The following GLIS3 variants were observed in gnomAD, a reference collection of about 807,000 sequenced individuals.
GLIS3 encodes the protein zinc finger protein GLIS3.
GLIS3 carries 53 observed loss-of-function variants against 78.6 expected under a neutral mutation model. The observed-to-expected ratio is 0.67, with a 90% CI of 0.54 to 0.85. GLIS3 has a LOEUF of 0.85. Among genes scored for constraint, GLIS3 ranks in the 40% least tolerant of loss-of-function variants. The pLI is 0.00. For missense variants in GLIS3, 1,703 were observed against 1,231.1 expected (o/e 1.38, Z -5.74); for synonymous variants, 684 against 509.9 (o/e 1.34, Z -4.60).
At chr9:4,280,793 G>C (rs1202571939) in intron 2 of GLIS3, among the ~76,000 whole-genome samples, 1 of 151,828 alleles carries the variant, frequency 6.6e-6, no homozygotes, top group Non-Finnish European at 1.5e-5. Flanking sequence ...GCTGGAATGA[G>C]GCAAATGTTG....
chr9:3,891,503 G>A (rs940095520), intron 7 of GLIS3, among the ~76,000 whole-genome samples: 5 of 152,050 alleles, frequency 3.3e-5, no homozygotes, highest in East Asian at 1.9e-4. Context: ...GGAGTTTGAC[G>A]TAAGCCTGGG....
chr9:4,391,210 C>T, the GLIS3 span, among the ~76,000 whole-genome samples: 11 of 152,184 alleles, frequency 7.2e-5, no homozygotes, highest in African/African-American at 2.4e-4. Context: ...TAGATGCACT[C>T]ATCTCTGGTG....
chr9:4,456,813 C>G, the GLIS3 span, among the ~76,000 whole-genome samples: 2 of 152,144 alleles, frequency 1.3e-5, no homozygotes, highest in African/African-American at 2.4e-5. Context: ...GTTGAGCAGT[C>G]AGAACATACA....
At chr9:4,472,151 G>T in the GLIS3 span, among the ~76,000 whole-genome samples, 52,463 of 152,046 alleles carry the variant, frequency 0.35, 10,018 homozygotes, top group Middle Eastern at 0.49. Context: ...GCTTTTACAC[G>T]GTTGGTGGGA....
chr9:4,068,881 G>A (rs1827338808), intron 4 of GLIS3, among the ~76,000 whole-genome samples: 1 of 150,920 alleles, frequency 6.6e-6, no homozygotes, highest in Non-Finnish European at 1.5e-5. Context: ...TCAATTTCTT[G>A]CAATGCACAC....
At chr9:4,365,805 C>G in the GLIS3 span, among the ~76,000 whole-genome samples, 15 of 152,312 alleles carry the variant, frequency 9.8e-5, no homozygotes, top group African/African-American at 3.1e-4. Context: ...TGCTTCACAT[C>G]TAAAATGTCA....
At chr9:4,289,546 C>A (rs542635821) in intron 1 of GLIS3, among the ~76,000 whole-genome samples, 73 of 152,246 alleles carry the variant, frequency 4.8e-4, no homozygotes, top group Non-Finnish European at 8.4e-4. Context: ...AAAAACTTAA[C>A]TGACAGGATT....
intron 2 of GLIS3, among the ~76,000 whole-genome samples, chr9:4,133,371 T>A (rs1176049580): frequency 6.6e-6 from 1 of 152,222 alleles, no homozygotes; most frequent in Non-Finnish European, 1.5e-5. Context: ...GTTTTGAGAC[T>A]CCCATTCAGG....
At chr9:3,907,646 ACACACACACT>A (rs1563837045) in intron 6 of GLIS3, among the ~76,000 whole-genome samples, 2 of 145,746 alleles carry the variant, frequency 1.4e-5, no homozygotes, top group East Asian at 3.9e-4. Flanking sequence ...ACACACACAC[ACACACACACT>A]ACTAAACAGT....
the GLIS3 span, among the ~76,000 whole-genome samples, chr9:4,353,641 G>A: frequency 3.9e-5 from 6 of 152,142 alleles, no homozygotes; most frequent in East Asian, 3.8e-4. Context: ...AAAACGGGCC[G>A]TAATCTGGAG....
At chr9:3,985,677 T>TAATAAAATTTTAGCTTGAATAAAA in intron 4 of GLIS3, among the ~76,000 whole-genome samples, 1 of 152,210 alleles carries the variant, frequency 6.6e-6, no homozygotes, top group Non-Finnish European at 1.5e-5. Context: ...GGAAGAGATG[T>TAATAAAATTTTAGCTTGAATAAAA]TTCAAGTAAT....
In GLIS3 at chr9:4,011,406, T is replaced by C. The variant is rs554960160; in HGVS notation, c.1711-74217A>G. ...CCAGAAGACAAAGAGAACATAGAAA[T>C]GTGTTTTGTTACGAGGCACTCGGCA... is the stretch of plus-strand genomic sequence containing the variant. On this transcript the variant is annotated intron_variant, in intron 4 of 10. Transcript: ENST00000381971. Among the ~76,000 whole-genome samples, 8 of 152,134 alleles carry C rather than the reference T, an allele frequency of 5.3e-5. No individual in the cohort carries two copies. The South Asian group carries it at 1.0e-3, about 20-fold the overall frequency.
the GLIS3 span, among the ~76,000 whole-genome samples, chr9:4,420,969 G>A: frequency 1.3e-5 from 2 of 152,232 alleles, no homozygotes; most frequent in Admixed American, 6.5e-5. Flanking sequence ...GTCTTAGAAA[G>A]CATTCCAAAA....
intron 2 of GLIS3, among the ~76,000 whole-genome samples, chr9:4,176,323 G>A (rs927539160): frequency 2.0e-5 from 3 of 152,138 alleles, no homozygotes; most frequent in Admixed American, 1.3e-4. Flanking sequence ...GATAATCATA[G>A]TGTTTTAGGC....
chr9:3,893,966 C>G (rs1223442881), intron 7 of GLIS3, among the ~76,000 whole-genome samples: 1 of 152,204 alleles, frequency 6.6e-6, no homozygotes, highest in African/African-American at 2.4e-5. Context: ...CTCCTGACCT[C>G]ACTGCATTCT....
chr9:3,880,067 A>AAATC (rs1435154413), intron 7 of GLIS3, among the ~76,000 whole-genome samples: 2 of 152,112 alleles, frequency 1.3e-5, no homozygotes, highest in Non-Finnish European at 2.9e-5. Context: ...TGTCACTGCT[A>AAATC]AATCAATGTA....
chr9:4,411,903 A>T, the GLIS3 span, among the ~76,000 whole-genome samples: 1 of 152,254 alleles, frequency 6.6e-6, no homozygotes, highest in Admixed American at 6.5e-5. Flanking sequence ...ATACCATTTA[A>T]CATTTTGGCT....
chr9:4,406,714 A>C, the GLIS3 span, among the ~76,000 whole-genome samples: 1 of 152,178 alleles, frequency 6.6e-6, no homozygotes, highest in African/African-American at 2.4e-5. Context: ...CCCATACATA[A>C]ACTTAAGTAC....
At chr9:4,310,373 G>A (rs1233815993) in intron 3 of GLIS3, 1 of 152,096 alleles carries the variant, frequency 6.6e-6, no homozygotes, top group East Asian at 1.9e-4. Context: ...CGAGTGAATG[G>A]GGGATAAAGA....
Sources: allele counts gnomAD v4.1 joint callset (sites outside exome capture counted in the v4.1 genomes callset), GRCh38; gene constraint gnomAD v4.1.1; transcripts MANE v1.5; gene names NCBI Gene and HGNC (gene_info 2026-07-23, HGNC 2026-07-21).